The following TMEM218 variants were observed in gnomAD, a reference collection of about 807,000 sequenced individuals.
The protein encoded by TMEM218 is transmembrane protein 218.
In TMEM218, 8 loss-of-function variants were observed where a neutral mutation model predicts 10.0. That is an observed-to-expected ratio of 0.80 (90% CI 0.47 to 1.44). The LOEUF is 1.44. TMEM218 is among the 40% of genes most tolerant of loss of function. The pLI is 0.00. For missense variants in TMEM218, 110 were observed against 140.1 expected (o/e 0.79, Z 1.08); for synonymous variants, 66 against 63.5 (o/e 1.04, Z -0.18).
intron 1 of TMEM218, chr11:125,103,617 A>G (rs2135819720): frequency 6.6e-6 from 1 of 152,288 alleles, no homozygotes; most frequent in South Asian, 2.1e-4. Context: ...TATTATCTTG[A>G]GATGCTTAAC....
At chr11:125,100,722 T>C (rs940384095) in intron 4 of TMEM218, among the ~76,000 whole-genome samples, 12 of 152,156 alleles carry the variant, frequency 7.9e-5, no homozygotes, top group Admixed American at 1.3e-4. Flanking sequence ...CAGAAGACTG[T>C]TGGGAAAATT....
rs1485880790 is a variant in TMEM218 at position 125,102,257 on chromosome 11, C to T, written c.-16G>A. 3.1e-6 allele frequency: 5 copies of T among 1,610,510 alleles called. No homozygotes were observed. Among genetic ancestry groups the T allele is most frequent in the South Asian group, 1.1e-5 (1 of 90,806 alleles). ...TGCCAGCCATCCCGCGGGGAGGCAGCGGCGGCCCCCCGCCCTGCGCGCCGC... is the reference window on the plus strand; with the variant it reads ...TGCCAGCCATCCCGCGGGGAGGCAGTGGCGGCCCCCCGCCCTGCGCGCCGC... On this transcript the variant is annotated 5_prime_UTR_variant, in exon 3 of 5. Coordinates refer to ENST00000682305, the MANE Select transcript of TMEM218 (RefSeq NM_001258244.2).
At chr11:125,098,461 C>G (rs962005524) in intron 4 of TMEM218, among the ~76,000 whole-genome samples, 3 of 152,178 alleles carry the variant, frequency 2.0e-5, no homozygotes, top group African/African-American at 7.2e-5. Flanking sequence ...TCCACTCTCC[C>G]CAGATCCAAA....
At position 125,095,921 on chromosome 11, in the gene TMEM218, C is replaced by T. The variant is rs1368212694; in HGVS notation, c.*1685G>A. Among the ~76,000 whole-genome samples, 1 of 152,174 alleles carries T rather than the reference C, an allele frequency of 6.6e-6. No homozygotes were observed. Among genetic ancestry groups the T allele is most frequent in the Non-Finnish European group, 1.5e-5 (1 of 68,022 alleles). On this transcript the variant is annotated 3_prime_UTR_variant, in exon 5 of 5. Transcript: ENST00000682305. Reference sequence around the variant, plus strand: ...GCTCTCAGAAGAAGGTAACAATTGGCAGCTTGTGCTTGTTAGGAGCCAAGC... The same window carrying T: ...GCTCTCAGAAGAAGGTAACAATTGGTAGCTTGTGCTTGTTAGGAGCCAAGC...
Position 125,097,648 on chromosome 11 carries a change from A to T in TMEM218, c.306T>A (p.Tyr102Ter), listed in dbSNP as rs770162942. Residue 102 changes from tyrosine to a stop codon, truncating the protein, a stop_gained, in exon 5 of 5, where the codon TAT (tyrosine) becomes TAA (stop). Transcript: ENST00000682305. LOFTEE classifies it high-confidence loss of function. Reference protein sequence around the residue: ...LGGLFLVLIHYVLEPIYAKPL... With the variant: ...LGGLFLVLIH ...GTTTGGCATAGATCGGCTCCAGAAC[A>T]TAATGGATTAAAACCAAGAAGAGGC... 5 of 1,614,106 alleles carry T rather than the reference A, an allele frequency of 3.1e-6. No individual in the cohort carries two copies. The highest frequency in any genetic ancestry group is 1.6e-4 in the Middle Eastern group (1 of 6,084).
At chr11:125,102,548 C>T in intron 2 of TMEM218, 186 bp downstream of exon 2, 6 of 1,392,634 alleles carry the variant, frequency 4.3e-6, no homozygotes, top group Non-Finnish European at 5.7e-6. Context: ...CTGAGTGTTT[C>T]CTTTCAAATT....
intron 1 of TMEM218, 84 bp from the exon 2 acceptor site, chr11:125,102,893 G>A (rs2135797877): frequency 8.3e-6 from 3 of 362,340 alleles, no homozygotes; most frequent in South Asian, 7.8e-5. Flanking sequence ...TTGAATCCCG[G>A]AGCGAAGCTT....
At chr11:125,101,978 C>T in intron 3 of TMEM218, 154 bp downstream of exon 3, 2 of 871,058 alleles carry the variant, frequency 2.3e-6, no homozygotes, top group Non-Finnish European at 3.3e-6. Context: ...ATAAATAACA[C>T]AGTTAGTGTT....
At chr11:125,104,285 C>G (rs1951613051) in intron 1 of TMEM218, 1 of 152,298 alleles carries the variant, frequency 6.6e-6, no homozygotes, top group African/African-American at 2.4e-5. Context: ...ATCTCGGTCA[C>G]TCTAACACGC....
chr11:125,107,384 T>C (rs7129315), intron 1 of TMEM218, among the ~76,000 whole-genome samples: 60,953 of 152,052 alleles, frequency 0.4, 12,555 homozygotes, highest in Non-Finnish European at 0.46. Context: ...GTATCAGCCA[T>C]GTGTAGTATA....
chr11:125,103,023 A>G (rs1659398731), intron 1 of TMEM218: 1 of 244,560 alleles, frequency 4.1e-6, no homozygotes, highest in South Asian at 5.3e-5. Flanking sequence ...CTCACAGGCC[A>G]GCAATCCAAA....
chr11:125,101,809 C>A, intron 3 of TMEM218: 1 of 480,078 alleles, frequency 2.1e-6, no homozygotes, highest in South Asian at 4.3e-5. Context: ...GGGCTAGAGC[C>A]TCGGGTACTG....
chr11:125,102,833 A>G, intron 1 of TMEM218, 24 bp from the exon 2 acceptor site: 1 of 652,028 alleles, frequency 1.5e-6, no homozygotes, highest in East Asian at 6.7e-5. Context: ...AACAGCCATC[A>G]CTATTTTTGA....
At chr11:125,097,850 C>T in intron 4 of TMEM218, 110 bp from the exon 5 acceptor site, 2 of 1,000,472 alleles carry the variant, frequency 2.0e-6, no homozygotes, top group Non-Finnish European at 2.9e-6. Flanking sequence ...GTATAACTTC[C>T]AGTAACATCC....
chr11:125,101,600 C>T, intron 3 of TMEM218: 1 of 886,914 alleles, frequency 1.1e-6, no homozygotes, highest in Non-Finnish European at 1.7e-6. Flanking sequence ...ATCCCCTCTC[C>T]ACCTCCACTT....
chr11:125,100,366 A>C (rs2135728930), intron 4 of TMEM218, among the ~76,000 whole-genome samples: 1 of 152,304 alleles, frequency 6.6e-6, no homozygotes, highest in East Asian at 1.9e-4. Flanking sequence ...TAATAATGGT[A>C]CCTATGTCAT....
At chr11:125,100,954 G>T (rs1001767214) in intron 4 of TMEM218, among the ~76,000 whole-genome samples, 3 of 152,174 alleles carry the variant, frequency 2.0e-5, no homozygotes, top group Non-Finnish European at 4.4e-5. Context: ...AACTGAAGAT[G>T]AGACCAAATC....
At chr11:125,109,630 G>A (rs778618796) in intron 1 of TMEM218, among the ~76,000 whole-genome samples, 1 of 152,218 alleles carries the variant, frequency 6.6e-6, no homozygotes, top group Non-Finnish European at 1.5e-5. Flanking sequence ...TGGGTGACCA[G>A]TTAGGAAACT....
rs1949642920 is a variant in TMEM218 at position 125,096,284 on chromosome 11, T to G, written c.*1322A>C. On this transcript the variant is annotated 3_prime_UTR_variant, in exon 5 of 5. Coordinates refer to ENST00000682305, the MANE Select transcript of TMEM218 (RefSeq NM_001258244.2). ...TTAGTTGCCTGTGGGGTGGCAGGAC[T>G]GGGTAACTTCTCTACCCTGAAAACA... Among the ~76,000 whole-genome samples, 1 of 152,212 alleles carries G rather than the reference T, an allele frequency of 6.6e-6. No individual in the cohort carries two copies. The highest frequency in any genetic ancestry group is 1.5e-5 in the Non-Finnish European group (1 of 68,042).
Sources: gnomAD v4.1 joint callset for allele counts (sites outside exome capture counted in the v4.1 genomes callset) on GRCh38, gnomAD v4.1.1 for gene constraint, MANE v1.5 for transcripts, NCBI Gene and HGNC (gene_info 2026-07-23, HGNC 2026-07-21) for gene names.